PIGU: variants seen among roughly 807,000 people sequenced by gnomAD.
PIGU encodes GPI-anchor transamidase component PIGU.
PIGU carries 24 observed loss-of-function variants against 49.9 expected under a neutral mutation model. The observed-to-expected ratio is 0.48, with a 90% CI of 0.35 to 0.68. The LOEUF (loss-of-function observed/expected upper bound fraction) is 0.68, where lower values mean the gene tolerates loss of function less well. PIGU is among the 30% of genes least tolerant of loss of function. The pLI is 0.01. For synonymous variants in PIGU, 220 were observed against 205.7 expected, an observed-to-expected ratio of 1.07 and a Z score of -0.59; for missense variants, 490 against 532.6, an observed-to-expected ratio of 0.92 and a Z score of 0.79.
chr20:34,585,552 T>G lies in PIGU; in HGVS notation c.811A>C (p.Ile271Leu). 6.2e-7 allele frequency: 1 copy of G among 1,613,630 alleles called. No homozygotes were observed. Among genetic ancestry groups the G allele is most frequent in the Non-Finnish European group, 8.5e-7 (1 of 1,179,604 alleles). Reference sequence around the variant, plus strand: ...GCAAAGAAGTACCAGAAAAGACCAATGTTTGGAGTGAGATCTGGAACAGAA... The same window carrying G: ...GCAAAGAAGTACCAGAAAAGACCAAGGTTTGGAGTGAGATCTGGAACAGAA... ...ILSVPDLTPN[I>L]GLFWYFFAEM... The change falls in exon 9 of 12, where the codon ATT becomes CTT. Residue 271 changes from isoleucine to leucine, a missense_variant. By Grantham distance (5) the Ile-to-Leu change is conservative. Coordinates refer to ENST00000217446, the MANE Select transcript of PIGU (RefSeq NM_080476.5).
At chr20:34,614,651 G>A (rs1163846184) in intron 7 of PIGU, among the ~76,000 whole-genome samples, 5 of 150,744 alleles carry the variant, frequency 3.3e-5, no homozygotes, top group Non-Finnish European at 7.4e-5. Context: ...AAATTTCTAC[G>A]TTATTTATAT....
intron 11 of PIGU, among the ~76,000 whole-genome samples, chr20:34,566,598 C>G (rs1166084279): frequency 1.3e-5 from 2 of 152,166 alleles, no homozygotes; most frequent in Non-Finnish European, 2.9e-5. Context: ...TGCCCTGGTC[C>G]AGGCCCTTTA....
chr20:34,663,287 G>A (rs1986984244), intron 1 of PIGU, among the ~76,000 whole-genome samples: 1 of 152,022 alleles, frequency 6.6e-6, no homozygotes, highest in Admixed American at 6.6e-5. Flanking sequence ...GATCAGCCTG[G>A]GCAACATAAG....
At chr20:34,574,793 C>T (rs1206181407) in intron 11 of PIGU, among the ~76,000 whole-genome samples, 1 of 152,186 alleles carries the variant, frequency 6.6e-6, no homozygotes, top group Non-Finnish European at 1.5e-5. Flanking sequence ...CAATGACCTT[C>T]GAGAAGAGAG....
chr20:34,576,934 A>G (rs1352769495), intron 10 of PIGU, among the ~76,000 whole-genome samples: 1 of 152,142 alleles, frequency 6.6e-6, no homozygotes, highest in Non-Finnish European at 1.5e-5. Context: ...CTCCCCTCCC[A>G]AGGTCTTAAA....
rs1016713711 is a variant in PIGU at position 34,637,960 on chromosome 20, T to C, written c.344A>G (p.Glu115Gly). The change falls in exon 5 of 12, where the codon GAA becomes GGA. Residue 115 changes from glutamate (E) to glycine (G), a missense_variant. Transcript: ENST00000217446. ...VVFKKQKLLLELDQYAPDVAE... is the reference protein window; with the variant it reads ...VVFKKQKLLLGLDQYAPDVAE... ...CACATCTGGGGCATACTGGTCCAGTTCTAGGAGGAGTTTCTGCTTTTTAAA... is the reference window on the plus strand; with the variant it reads ...CACATCTGGGGCATACTGGTCCAGTCCTAGGAGGAGTTTCTGCTTTTTAAA... 1.3e-5 allele frequency: 21 copies of C among 1,577,672 alleles called. No homozygotes were observed. Among genetic ancestry groups the C allele is most frequent in the Non-Finnish European group, 1.7e-5 (20 of 1,169,206 alleles).
chr20:34,594,514 A>T (rs1159466843), intron 7 of PIGU, among the ~76,000 whole-genome samples: 1 of 152,206 alleles, frequency 6.6e-6, no homozygotes, highest in Admixed American at 6.5e-5. Flanking sequence ...AAAGTATGCT[A>T]CCCTTCATAT....
At chr20:34,650,700 CTTTTTTTTTTTTTT>C (rs59998699) in intron 2 of PIGU, among the ~76,000 whole-genome samples, 62 of 38,802 alleles carry the variant, frequency 1.6e-3, no homozygotes, top group East Asian at 4.6e-3. Context: ...CTTTTTTTCT[CTTTTTTTTTTTTTT>C]TTTTTTTTTT....
chr20:34,588,337 G>T, intron 8 of PIGU, 116 bp downstream of exon 8: 1 of 890,060 alleles, frequency 1.1e-6, no homozygotes, highest in Non-Finnish European at 1.6e-6. Flanking sequence ...AGTTGTTTGA[G>T]GAATGTTCAT....
At chr20:34,666,525 A>T (rs6059973) in intron 1 of PIGU, among the ~76,000 whole-genome samples, 63,564 of 145,590 alleles carry the variant, frequency 0.44, 14,657 homozygotes, top group Non-Finnish European at 0.51. Flanking sequence ...TTAATTAATT[A>T]ATTTATTTAT....
Position 34,583,968 on chromosome 20 carries a change from G to C in PIGU, c.926+1469C>G, listed in dbSNP as rs910873. On this transcript the variant is annotated intron_variant, in intron 9 of 11. Transcript: ENST00000217446. ...TTCAGGTTCCCCAGACCATCTAGGCGTATCTGTACCTGTCTGTGTCTGTTT... is the reference window on the plus strand; with the variant it reads ...TTCAGGTTCCCCAGACCATCTAGGCCTATCTGTACCTGTCTGTGTCTGTTT... Among the ~76,000 whole-genome samples the C allele has an allele frequency of 7.9e-5, 12 of 152,158 alleles. 1 individual carries two copies. Among genetic ancestry groups the C allele is most frequent in the South Asian group, 6.2e-4 (3 of 4,830 alleles).
rs1982432813 is a variant in PIGU at position 34,560,544 on chromosome 20, G to GACTT, written c.*318_*321dup. On this transcript the variant is annotated 3_prime_UTR_variant, in exon 12 of 12. Coordinates refer to ENST00000217446, the MANE Select transcript of PIGU (RefSeq NM_080476.5). ...GCAATGCAGATGTGGTCTCAGGGTA[G>GACTT]ACTTCATAACAAAAAACATTTATTA... is the stretch of plus-strand genomic sequence containing the variant. 3 of 300,980 alleles carry GACTT rather than the reference G, an allele frequency of 1.0e-5. No individual in the cohort carries two copies. The highest frequency in any genetic ancestry group is 1.2e-5 in the Non-Finnish European group (2 of 162,840). 18.6% of individuals were successfully genotyped at this position (300,980 alleles called of 1,614,324 possible). A position where few individuals can be genotyped will look rare whatever the true frequency, so the allele number is the denominator to read the frequency against.
chr20:34,658,198 T>C (rs1199985334), intron 1 of PIGU, among the ~76,000 whole-genome samples: 1 of 152,260 alleles, frequency 6.6e-6, no homozygotes, highest in African/African-American at 2.4e-5. Flanking sequence ...TTTCGCTGTG[T>C]TGGCCGGGCC....
intron 7 of PIGU, among the ~76,000 whole-genome samples, chr20:34,594,350 A>G (rs1286389288): frequency 6.6e-6 from 1 of 152,210 alleles, no homozygotes; most frequent in Non-Finnish European, 1.5e-5. Flanking sequence ...CACACACTGG[A>G]GAGCGGCTGA....
At chr20:34,667,249 A>T (rs116783726) in intron 1 of PIGU, among the ~76,000 whole-genome samples, 1,987 of 152,294 alleles carry the variant, frequency 0.013, 50 homozygotes, top group African/African-American at 0.044. Context: ...AATAAGGACA[A>T]AAGCTTGTTC....
chr20:34,616,512 T>C (rs1404117118), intron 6 of PIGU, among the ~76,000 whole-genome samples: 2 of 152,230 alleles, frequency 1.3e-5, no homozygotes, highest in Non-Finnish European at 2.9e-5. Flanking sequence ...TTATTGCTTA[T>C]GATATCCAGA....
At position 34,628,098 on chromosome 20, in the gene PIGU, T is replaced by A. The variant is rs890890801; in HGVS notation, c.529+6517A>T. 8.5e-5 allele frequency among the ~76,000 whole-genome samples: 13 copies of A among 152,222 alleles called. 1 individual carries two copies. Among genetic ancestry groups the A allele is most frequent in the Admixed American group, 7.2e-4 (11 of 15,290 alleles). ...GGTTCTATGTACAACTTTTTACTCTTTACTTCCTGAGTACACAAACTATTT... is the reference window on the plus strand; with the variant it reads ...GGTTCTATGTACAACTTTTTACTCTATACTTCCTGAGTACACAAACTATTT... On this transcript the variant is annotated intron_variant, in intron 6 of 11. Transcript: ENST00000217446.
chr20:34,581,572 G>A lies in PIGU; in HGVS notation c.1027C>T (p.Pro343Ser). 1 of 1,613,788 alleles carries A rather than the reference G, an allele frequency of 6.2e-7. No homozygotes were observed. The highest frequency in any genetic ancestry group is 8.5e-7 in the Non-Finnish European group (1 of 1,179,926). Residue 343 changes from proline (P) to serine (S), a missense_variant, in exon 10 of 12, where the codon CCC (proline) becomes TCC (serine). Physicochemically the swap from Pro to Ser is moderately conservative, Grantham distance 74. Coordinates refer to ENST00000217446, the MANE Select transcript of PIGU (RefSeq NM_080476.5). ...CATCTGTAGAGATGGTTCCACACGG[G>A]GAAGAAGGCCATGTAGAGCGCCACG... The part of the protein sequence containing the change: ...GDVALYMAFF[P>S]VWNHLYRFLR...
chr20:34,645,207 A>T, intron 3 of PIGU, 68 bp downstream of exon 3: 9 of 1,322,598 alleles, frequency 6.8e-6, no homozygotes, highest in Non-Finnish European at 9.0e-6. Flanking sequence ...AAAAAAAGAG[A>T]GAGAGAGACA....
Sources: allele counts gnomAD v4.1 joint callset (sites outside exome capture counted in the v4.1 genomes callset), GRCh38; gene constraint gnomAD v4.1.1; transcripts MANE v1.5; gene names NCBI Gene and HGNC (gene_info 2026-07-23, HGNC 2026-07-21).